Variants in SMARCA2 observed in about 807,000 individuals in gnomAD.
SMARCA2 encodes the protein SWI/SNF related BAF chromatin remodeling complex subunit ATPase 2.
In SMARCA2, 61 loss-of-function variants were observed where a neutral mutation model predicts 199.8. The ratio of observed to expected loss-of-function variants is 0.31; its 90% CI spans 0.25 to 0.38. SMARCA2 has a LOEUF of 0.38. SMARCA2 is among the 10% of genes least tolerant of loss of function. SMARCA2 has a pLI of 1.00. For missense variants in SMARCA2, 1,344 were observed against 2,012.2 expected, an observed-to-expected ratio of 0.67 and a Z score of 6.35; for synonymous variants, 935 against 732.0, an observed-to-expected ratio of 1.28 and a Z score of -4.48.
intron 1 of SMARCA2, among the ~76,000 whole-genome samples, chr9:2,021,577 T>TC (rs758734765): frequency 6.6e-6 from 1 of 152,264 alleles, no homozygotes; most frequent in Admixed American, 6.5e-5. Context: ...TCTCCCATCT[T>TC]CCCCCCTGTG....
chr9:2,186,156 AAAGAGG>A lies in SMARCA2; in HGVS notation c.4528_4533del (p.Glu1510_Glu1511del). ...TAAGAGTGCCCGGCAGAAAATTGCCAAAGAGGAAGAGAGTGAGGATGAAAGCAATGA... is the reference window on the plus strand; with the variant it reads ...TAAGAGTGCCCGGCAGAAAATTGCCAAAGAGAGTGAGGATGAAAGCAATGA... On this transcript the variant is annotated inframe_deletion, in exon 32 of 34. Coordinates refer to ENST00000349721, the MANE Select transcript of SMARCA2 (RefSeq NM_003070.5). 1 of 1,614,090 alleles carries A rather than the reference AAAGAGG, an allele frequency of 6.2e-7. No homozygotes were observed. The highest frequency in any genetic ancestry group is 8.5e-7 in the Non-Finnish European group (1 of 1,179,930).
intron 29 of SMARCA2, among the ~76,000 whole-genome samples, chr9:2,176,184 T>TTTTTTTTTTTTTTTTG (rs1563829201): frequency 8.9e-6 from 1 of 112,936 alleles, no homozygotes; most frequent in African/African-American, 4.3e-5. Flanking sequence ...CCCGGCCTGT[T>TTTTTTTTTTTTTTTTG]TTTTTTTTTT....
chr9:2,051,398 T>C (rs2130315738), intron 5 of SMARCA2, among the ~76,000 whole-genome samples: 1 of 152,208 alleles, frequency 6.6e-6, no homozygotes, highest in Non-Finnish European at 1.5e-5. Flanking sequence ...CCCCCCTCGC[T>C]CCCACTCTCT....
rs1825227011 is a variant in SMARCA2 at position 2,154,284 on chromosome 9, G to GGTA, written c.3982-7391_3982-7389dup. ...TGCTGCTGCTGGCAGGGACAATGGTGGTAGTAGTAGTAGCTGCATCAGTAG... is the reference window on the plus strand; with the variant it reads ...TGCTGCTGCTGGCAGGGACAATGGTGGTAGTAGTAGTAGTAGCTGCATCAGTAG... On this transcript the variant is annotated intron_variant, in intron 27 of 33. Coordinates refer to ENST00000349721, the MANE Select transcript of SMARCA2 (RefSeq NM_003070.5). Among the ~76,000 whole-genome samples the GGTA allele has an allele frequency of 2.0e-5, 3 of 152,220 alleles. No individual in the cohort carries two copies. The South Asian group carries it at 6.2e-4, about 32-fold the overall frequency.
intron 8 of SMARCA2, among the ~76,000 whole-genome samples, chr9:2,059,156 G>A (rs1563739017): frequency 6.6e-6 from 1 of 152,024 alleles, no homozygotes; most frequent in Non-Finnish European, 1.5e-5. Flanking sequence ...GCACACTGTG[G>A]ATTTTAGAAA....
At chr9:2,163,072 C>CA (rs1825765415) in intron 28 of SMARCA2, 2 of 152,130 alleles carry the variant, frequency 1.3e-5, no homozygotes, top group African/African-American at 4.8e-5. Context: ...TACATCATAG[C>CA]AGGAAGGAAA....
rs533361900 is a variant in SMARCA2 at position 2,138,693 on chromosome 9, C to T, written c.3981+14756C>T. Reference sequence around the variant, plus strand: ...TTGCTCTGCAACATCTTGGATAAATCACTTTACGTCTCAGAGCTTCAGTTT... The same window carrying T: ...TTGCTCTGCAACATCTTGGATAAATTACTTTACGTCTCAGAGCTTCAGTTT... On this transcript the variant is annotated intron_variant, in intron 27 of 33. Transcript: ENST00000349721. 1.6e-3 allele frequency among the ~76,000 whole-genome samples: 240 copies of T among 152,248 alleles called. 1 individual carries two copies. Among genetic ancestry groups the T allele is most frequent in the African/African-American group, 5.4e-3 (225 of 41,538 alleles).
At chr9:2,158,603 G>T in intron 27 of SMARCA2, 1 of 215,718 alleles carries the variant, frequency 4.6e-6, no homozygotes, top group Non-Finnish European at 9.1e-6. Context: ...AGGTTTGGAA[G>T]GGAATTCTTT....
At position 2,123,953 on chromosome 9, in the gene SMARCA2, C is replaced by G. The variant is rs1276418805; in HGVS notation, c.3981+16C>G. ...GTGGCTAAGGGTAAGCCTAGCTTTT[C>G]TAACCCGCTCTCACTAGGTGGAGGG... On this transcript the variant is annotated intron_variant, in intron 27 of 33. Transcript: ENST00000349721. The surrounding 1 kb of genome is among the most constrained non-coding windows in gnomAD (Gnocchi z 4.1). 2.6e-6 allele frequency: 4 copies of G among 1,546,292 alleles called. No homozygotes were observed. Among genetic ancestry groups the G allele is most frequent in the Non-Finnish European group, 1.8e-6 (2 of 1,142,426 alleles).
At chr9:2,157,719 C>T (rs1825439456) in intron 27 of SMARCA2, 1 of 388,074 alleles carries the variant, frequency 2.6e-6, no homozygotes, top group Admixed American at 4.5e-5. Flanking sequence ...CAGGAGTTGG[C>T]TTGGGGCTTT....
chr9:2,060,659 C>T (rs539531825), intron 8 of SMARCA2, among the ~76,000 whole-genome samples, 157 bp from the exon 9 acceptor site: 43 of 152,318 alleles, frequency 2.8e-4, no homozygotes, highest in African/African-American at 9.6e-4. Context: ...GTTTGTCCCA[C>T]TTCAGACTCT....
chr9:2,192,483 G>A (rs1827952212), intron 33 of SMARCA2: 1 of 580,518 alleles, frequency 1.7e-6, no homozygotes, highest in Non-Finnish European at 3.1e-6. Context: ...CAATAGCTTA[G>A]AGGGTGGGCT....
chr9:2,157,572 G>T (rs7025777), intron 27 of SMARCA2: 23,479 of 255,748 alleles, frequency 0.092, 2,871 homozygotes, highest in African/African-American at 0.34. Flanking sequence ...TTTTCCCGTT[G>T]CACATGGAAG....
intron 32 of SMARCA2, among the ~76,000 whole-genome samples, 167 bp downstream of exon 32, chr9:2,186,395 C>T (rs1473501998): frequency 6.6e-6 from 1 of 152,204 alleles, no homozygotes; most frequent in Non-Finnish European, 1.5e-5. Context: ...TATCCCTGCT[C>T]ATGCTCAGTT....
At chr9:2,059,313 G>T (rs1160716415) in intron 8 of SMARCA2, among the ~76,000 whole-genome samples, 1 of 152,138 alleles carries the variant, frequency 6.6e-6, no homozygotes, top group Non-Finnish European at 1.5e-5. Context: ...TTCCTGGCTG[G>T]TATTACAGTT....
chr9:2,156,870 G>A (rs752397955), intron 27 of SMARCA2, among the ~76,000 whole-genome samples: 7 of 152,066 alleles, frequency 4.6e-5, no homozygotes, highest in East Asian at 1.9e-4. Flanking sequence ...CTAACTCCCC[G>A]GCCGTCTTCC....
chr9:2,192,054 G>A (rs988868115), intron 33 of SMARCA2: 6 of 154,852 alleles, frequency 3.9e-5, no homozygotes, highest in African/African-American at 1.4e-4. Flanking sequence ...TCACGTCGCA[G>A]AGGTGGAATT....
intron 19 of SMARCA2, among the ~76,000 whole-genome samples, chr9:2,095,189 G>A (rs997856551): frequency 1.3e-5 from 2 of 151,648 alleles, no homozygotes; most frequent in South Asian, 4.2e-4. Flanking sequence ...GGGTTCCAGC[G>A]ATTCTCCTGC....
chr9:2,190,244 A>G (rs1049555748), intron 32 of SMARCA2, among the ~76,000 whole-genome samples: 1 of 152,224 alleles, frequency 6.6e-6, no homozygotes, highest in East Asian at 1.9e-4. Flanking sequence ...CTGACAGAGC[A>G]CTGTTAGAAA....
Sources: gnomAD v4.1 joint callset for allele counts (sites outside exome capture counted in the v4.1 genomes callset) on GRCh38, gnomAD v4.1.1 for gene constraint, Gnocchi (gnomAD v3.1) non-coding constraint, MANE v1.5 for transcripts, NCBI Gene and HGNC (gene_info 2026-07-23, HGNC 2026-07-21) for gene names.